Variants in GAP43 observed in about 807,000 individuals in gnomAD.
The protein encoded by GAP43 is growth associated protein 43, also known as neuromodulin.
In GAP43, 6 loss-of-function variants were observed where a neutral mutation model predicts 18.6. The observed-to-expected ratio is 0.32, with a 90% CI of 0.18 to 0.64. GAP43 has a LOEUF of 0.64. Ranked by LOEUF, GAP43 falls within the 30% of genes least tolerant of loss-of-function variation. GAP43 has a pLI of 0.78. For missense variants in GAP43, 292 were observed against 295.5 expected, an observed-to-expected ratio of 0.99 and a Z score of 0.09; for synonymous variants, 115 against 111.4, an observed-to-expected ratio of 1.03 and a Z score of -0.20.
chr3:115,641,462 GAA>G (rs1708394784), intron 1 of GAP43, among the ~76,000 whole-genome samples: 1 of 150,688 alleles, frequency 6.6e-6, no homozygotes, highest in Admixed American at 6.6e-5. Flanking sequence ...TATAGAGAGA[GAA>G]AGAGTGCATT....
At chr3:115,675,082 G>C (rs1708863428) in intron 1 of GAP43, among the ~76,000 whole-genome samples, 1 of 152,122 alleles carries the variant, frequency 6.6e-6, no homozygotes, top group Non-Finnish European at 1.5e-5. Context: ...TGGTTTGCTT[G>C]CTTTTTTGAG....
At chr3:115,640,660 A>G (rs1021655197) in intron 1 of GAP43, among the ~76,000 whole-genome samples, 1 of 152,046 alleles carries the variant, frequency 6.6e-6, no homozygotes, top group African/African-American at 2.4e-5. Context: ...AGAATACCCA[A>G]CAAGTCTCCG....
At chr3:115,709,978 CAGTT>C (rs943786953) in intron 2 of GAP43, among the ~76,000 whole-genome samples, 2 of 152,042 alleles carry the variant, frequency 1.3e-5, no homozygotes, top group Non-Finnish European at 2.9e-5. Flanking sequence ...GCTTATTAGA[CAGTT>C]AGGTTCAAGG....
At chr3:115,705,593 C>T (rs555961803) in intron 2 of GAP43, among the ~76,000 whole-genome samples, 1 of 152,084 alleles carries the variant, frequency 6.6e-6, no homozygotes, top group South Asian at 2.1e-4. Flanking sequence ...TCTAGGGTGA[C>T]ATTGTTGAAA....
chr3:115,631,162 A>G (rs1708256394), intron 1 of GAP43, among the ~76,000 whole-genome samples: 2 of 152,190 alleles, frequency 1.3e-5, no homozygotes. Context: ...CGGGAATGTG[A>G]TCTTCCAGAT....
intron 1 of GAP43, among the ~76,000 whole-genome samples, chr3:115,660,485 C>G (rs954513895): frequency 6.6e-6 from 1 of 152,194 alleles, no homozygotes; most frequent in African/African-American, 2.4e-5. Flanking sequence ...GACAAAGAAA[C>G]AGATCCAGAG....
At chr3:115,653,876 T>C (rs998964171) in intron 1 of GAP43, among the ~76,000 whole-genome samples, 1 of 152,224 alleles carries the variant, frequency 6.6e-6, no homozygotes, top group African/African-American at 2.4e-5. Context: ...GATAGATTCA[T>C]GTATCACTTT....
Position 115,720,915 on chromosome 3 carries a change from TC to T in GAP43, c.*37del. Reference sequence around the variant, plus strand: ...GAAATGGCTTTCCACATCCCCACCCTCCCCTCTCCTGAGCCTGTCTCTCCCT... The same window carrying T: ...GAAATGGCTTTCCACATCCCCACCCTCCCTCTCCTGAGCCTGTCTCTCCCT... On this transcript the variant is annotated 3_prime_UTR_variant, in exon 3 of 3. Transcript: ENST00000305124. 1 of 1,444,146 alleles carries T rather than the reference TC, an allele frequency of 6.9e-7. No homozygotes were observed. The allele number at this position is 1,444,146 out of a possible 1,614,324, so 89.5% of individuals were successfully genotyped here.
chr3:115,677,741 A>G (rs1708911325), intron 2 of GAP43, among the ~76,000 whole-genome samples: 1 of 152,160 alleles, frequency 6.6e-6, no homozygotes, highest in African/African-American at 2.4e-5. Context: ...ATACGGACTG[A>G]ACCACCGTGT....
At chr3:115,679,922 C>T (rs1332567851) in intron 2 of GAP43, among the ~76,000 whole-genome samples, 1 of 152,178 alleles carries the variant, frequency 6.6e-6, no homozygotes, top group Non-Finnish European at 1.5e-5. Context: ...GGTCTCAGTA[C>T]ATCTTGCAAA....
At chr3:115,678,337 A>G (rs1289485892) in intron 2 of GAP43, among the ~76,000 whole-genome samples, 1 of 152,234 alleles carries the variant, frequency 6.6e-6, no homozygotes, top group Non-Finnish European at 1.5e-5. Flanking sequence ...TGGGATTTCT[A>G]AAGTTGTGGG....
intron 2 of GAP43, among the ~76,000 whole-genome samples, chr3:115,693,059 C>T (rs1329491055): frequency 1.3e-5 from 2 of 152,128 alleles, no homozygotes; most frequent in East Asian, 3.9e-4. Flanking sequence ...ACTCAGCCTC[C>T]ACAGCTGGGA....
At chr3:115,720,229 C>T (rs1709559343) in intron 2 of GAP43, among the ~76,000 whole-genome samples, 1 of 152,118 alleles carries the variant, frequency 6.6e-6, no homozygotes, top group Non-Finnish European at 1.5e-5. Flanking sequence ...GTTTGATGTC[C>T]AAGTGATCAG....
In GAP43 at chr3:115,644,508, T is replaced by G. The variant is rs145402895; in HGVS notation, c.30+20789T>G. On this transcript the variant is annotated intron_variant, in intron 1 of 2. Transcript: ENST00000305124. This position sits in a 1 kb window ranked among gnomAD's most constrained non-coding sequence, Gnocchi z 4.2. ...CCCTATTTCCATTCCCAGTTAATCT[T>G]CAAAGAGTCAACATGGCAAAAACAT... 2.0e-5 allele frequency among the ~76,000 whole-genome samples: 3 copies of G among 152,116 alleles called. No individual in the cohort carries two copies. The highest frequency in any genetic ancestry group is 7.2e-5 in the African/African-American group (3 of 41,542).
At chr3:115,709,237 C>T (rs569939992) in intron 2 of GAP43, among the ~76,000 whole-genome samples, 14 of 152,166 alleles carry the variant, frequency 9.2e-5, no homozygotes, top group Admixed American at 2.6e-4. Flanking sequence ...CCTGCCTCCT[C>T]TTGCTTTTGC....
At chr3:115,628,302 T>C (rs9827980) in intron 1 of GAP43, among the ~76,000 whole-genome samples, 42,571 of 151,694 alleles carry the variant, frequency 0.28, 5,991 homozygotes, top group East Asian at 0.37. Context: ...CTTCTTGTGC[T>C]GCACTGGCTC....
At chr3:115,681,677 A>G (rs1708959134) in intron 2 of GAP43, among the ~76,000 whole-genome samples, 1 of 152,244 alleles carries the variant, frequency 6.6e-6, no homozygotes, top group Admixed American at 6.5e-5. Flanking sequence ...AAGAGTTAAC[A>G]TATAAAAGTC....
intron 2 of GAP43, among the ~76,000 whole-genome samples, chr3:115,701,474 C>G (rs1437695823): frequency 1.3e-5 from 2 of 152,020 alleles, no homozygotes; most frequent in African/African-American, 4.8e-5. Flanking sequence ...TACTTGGGAA[C>G]AGTTCCATTA....
intron 2 of GAP43, among the ~76,000 whole-genome samples, chr3:115,705,283 A>G (rs1709345973): frequency 6.6e-6 from 1 of 152,190 alleles, no homozygotes; most frequent in African/African-American, 2.4e-5. Context: ...AGCTAAAATT[A>G]TGTCTGGCTT....
Sources: gnomAD v4.1 joint callset for allele counts (sites outside exome capture counted in the v4.1 genomes callset) on GRCh38, gnomAD v4.1.1 for gene constraint, Gnocchi (gnomAD v3.1) non-coding constraint, MANE v1.5 for transcripts, NCBI Gene and HGNC (gene_info 2026-07-23, HGNC 2026-07-21) for gene names.